The following LRP1B variants were observed in gnomAD, a reference collection of about 807,000 sequenced individuals.
LRP1B encodes LDL receptor related protein 1B.
Under a neutral mutation model 556.6 loss-of-function variants are expected in LRP1B, and 217 were observed. The ratio of observed to expected loss-of-function variants is 0.39; its 90% CI spans 0.35 to 0.44. The LOEUF is 0.44. Among genes scored for constraint, LRP1B ranks in the 20% least tolerant of loss-of-function variants. The pLI, the probability that LRP1B is intolerant of heterozygous loss-of-function variation, is 1.00. For synonymous variants in LRP1B, 2,047 were observed against 1,865.8 expected (o/e 1.10, Z -2.50); for missense variants, 5,053 against 5,620.8 (o/e 0.90, Z 3.23).
chr2:141,503,274 C>A (rs4365409), intron 2 of LRP1B, among the ~76,000 whole-genome samples: 143,466 of 147,330 alleles, frequency 0.97, 69,957 homozygotes, highest in East Asian at 1. Context: ...TATATAATAC[C>A]ATAATATACA....
chr2:140,690,061 G>A (rs1467536964), intron 41 of LRP1B, among the ~76,000 whole-genome samples: 3 of 151,426 alleles, frequency 2.0e-5, no homozygotes, highest in Non-Finnish European at 4.4e-5. Context: ...ATAGACACAG[G>A]AAAAGCTCAT....
intron 25 of LRP1B, among the ~76,000 whole-genome samples, chr2:140,870,305 G>C (rs1040202797): frequency 1.3e-5 from 2 of 152,134 alleles, no homozygotes; most frequent in African/African-American, 4.8e-5. Flanking sequence ...CCCACTCAGA[G>C]GTCAGAGGAA....
At chr2:140,278,344 T>C (rs539520214) in intron 84 of LRP1B, among the ~76,000 whole-genome samples, 71 of 152,152 alleles carry the variant, frequency 4.7e-4, no homozygotes, top group African/African-American at 1.6e-3. Context: ...ATTTTTAAAC[T>C]TTTCTGTGTA....
rs71338142 is a variant in LRP1B at position 141,467,801 on chromosome 2, TTTTGTTTGTTTGTTTG to T, written c.343+12579_343+12594del. On this transcript the variant is annotated intron_variant, in intron 3 of 90. Coordinates refer to ENST00000389484, the MANE Select transcript of LRP1B (RefSeq NM_018557.3). ...TATTCCTGACAAAAAGCACACTGCT[TTTTGTTTGTTTGTTTG>T]TTTGTTTGTTTGTTTGCGGACCGGG... is the stretch of plus-strand genomic sequence containing the variant. Among the ~76,000 whole-genome samples, 245 of 120,134 alleles carry T rather than the reference TTTTGTTTGTTTGTTTG, an allele frequency of 2.0e-3. 6 individuals are homozygous for T. The highest frequency in any genetic ancestry group is 6.9e-3 in the African/African-American group (226 of 32,856). The allele number at this position is 120,134 out of a possible 152,430, so 78.8% of individuals were successfully genotyped here. A position where few individuals can be genotyped will look rare whatever the true frequency, so the allele number is the denominator to read the frequency against.
chr2:141,294,677 A>T (rs115548869), intron 3 of LRP1B, among the ~76,000 whole-genome samples: 2,322 of 151,462 alleles, frequency 0.015, 53 homozygotes, highest in African/African-American at 0.052. Flanking sequence ...GAGTTCAAGG[A>T]TACGGTGCAC....
At position 141,062,256 on chromosome 2, in the gene LRP1B, T is replaced by C; in HGVS notation, c.1031A>G (p.Asp344Gly). The change falls in exon 8 of 91, where the codon GAC becomes GGC. Residue 344 changes from aspartate (D) to glycine (G), a missense_variant. Asp to Gly is a moderately conservative substitution (Grantham distance 94). Around this residue, in one of 5 missense-constraint regions of LRP1B, gnomAD observed 3,619 missense variants for 3,931.9 expected, o/e 0.92. Transcript: ENST00000389484. ...CTCCACTTTGGCGACATTCCCGTAG[T>C]CAGTAAAGAAAAGTTTTCTGTTGAA... ...DPIAGKLFFT[D>G]YGNVAKVERC... 2 of 1,607,898 alleles carry C rather than the reference T, an allele frequency of 1.2e-6. No homozygotes were observed. The highest frequency in any genetic ancestry group is 1.7e-6 in the Non-Finnish European group (2 of 1,177,060).
In LRP1B at chr2:141,199,288, T is replaced by C. The variant is rs147300219; in HGVS notation, c.851-10705A>G. Among the ~76,000 whole-genome samples the C allele has an allele frequency of 1.5e-3, 235 of 152,274 alleles. 1 individual carries two copies. Among genetic ancestry groups the C allele is most frequent in the South Asian group, 2.7e-3 (13 of 4,828 alleles). ...TTATGTTAAAACACCTTAGAGTATTTCTCTTATAACATTTTACCATGAAGG... is the reference window on the plus strand; with the variant it reads ...TTATGTTAAAACACCTTAGAGTATTCCTCTTATAACATTTTACCATGAAGG... On this transcript the variant is annotated intron_variant, in intron 6 of 90. Coordinates refer to ENST00000389484, the MANE Select transcript of LRP1B (RefSeq NM_018557.3).
chr2:140,542,565 A>T (rs760109069), intron 43 of LRP1B, among the ~76,000 whole-genome samples: 16 of 152,138 alleles, frequency 1.1e-4, no homozygotes, highest in Non-Finnish European at 1.5e-4. Context: ...TATAGTAAAC[A>T]ACACTTTTCA....
intron 3 of LRP1B, among the ~76,000 whole-genome samples, chr2:141,413,248 C>T (rs1690923080): frequency 6.6e-6 from 1 of 152,068 alleles, no homozygotes; most frequent in African/African-American, 2.4e-5. Context: ...AGATTAAGGA[C>T]TTTGAGATGG....
chr2:141,639,393 CATATAT>C (rs1357208864), intron 2 of LRP1B, among the ~76,000 whole-genome samples: 1 of 36,440 alleles, frequency 2.7e-5, no homozygotes, highest in South Asian at 6.3e-4. Flanking sequence ...TATATATACA[CATATAT>C]ATATATGTGT....
At chr2:141,051,551 A>G (rs1052476962) in intron 10 of LRP1B, among the ~76,000 whole-genome samples, 1 of 152,044 alleles carries the variant, frequency 6.6e-6, no homozygotes, top group Non-Finnish European at 1.5e-5. Context: ...TAATATATAA[A>G]GAATAAAAAT....
intron 2 of LRP1B, among the ~76,000 whole-genome samples, chr2:141,510,234 A>ACCCC (rs1553524127): frequency 8.9e-5 from 13 of 145,372 alleles, no homozygotes; most frequent in African/African-American, 3.3e-4. Context: ...ACACACACAC[A>ACCCC]CCCCCCACAG....
chr2:140,340,673 AAAT>A (rs913603035), intron 77 of LRP1B, among the ~76,000 whole-genome samples: 6 of 151,554 alleles, frequency 4.0e-5, no homozygotes, highest in Non-Finnish European at 5.9e-5. Context: ...TTAAAAAAAA[AAAT>A]AAGTAGATTC....
rs67035991 is a variant in LRP1B, at chr2:141,614,314, C to A, written c.206-133781G>T. On this transcript the variant is annotated intron_variant, in intron 2 of 90. Coordinates refer to ENST00000389484, the MANE Select transcript of LRP1B (RefSeq NM_018557.3). ...AGTTTTCCTGTAAAATGAGAATAAC[C>A]TCAGTCTAATGTGGAGGGGAAAATA... Among the ~76,000 whole-genome samples, 1,239 of 152,014 alleles carry A rather than the reference C, an allele frequency of 8.2e-3. 7 individuals carry two copies. Among genetic ancestry groups the A allele is most frequent in the Non-Finnish European group, 0.012 (844 of 67,978 alleles).
intron 29 of LRP1B, among the ~76,000 whole-genome samples, chr2:140,849,357 A>C (rs1692379051): frequency 1.3e-5 from 2 of 150,126 alleles, no homozygotes; most frequent in Admixed American, 6.6e-5. Flanking sequence ...GGGTGACAGA[A>C]TGAGACTCTG....
intron 67 of LRP1B, among the ~76,000 whole-genome samples, chr2:140,381,313 T>G (rs571190320): frequency 6.6e-6 from 1 of 152,290 alleles, no homozygotes; most frequent in South Asian, 2.1e-4. Context: ...AACATGACTG[T>G]AGTAAAAGCT....
chr2:141,790,053 A>G (rs969931032), intron 2 of LRP1B, among the ~76,000 whole-genome samples: 1 of 151,900 alleles, frequency 6.6e-6, no homozygotes, highest in African/African-American at 2.4e-5. Context: ...CACATTAACA[A>G]CGTCCTCCTA....
intron 3 of LRP1B, among the ~76,000 whole-genome samples, chr2:141,467,116 ATATATATC>A (rs1196894332): frequency 0.049 from 131 of 2,660 alleles, 5 homozygotes; most frequent in Admixed American, 0.076. Context: ...ATATATATAT[ATATATATC>A]TATATATATA....
At chr2:141,123,251 T>TC (rs369520581) in intron 7 of LRP1B, among the ~76,000 whole-genome samples, 38,069 of 142,228 alleles carry the variant, frequency 0.27, 5,275 homozygotes, top group East Asian at 0.45. Context: ...TAAAAAAAAA[T>TC]AAATAAATAA....
Sources: gnomAD v4.1 joint callset for allele counts (sites outside exome capture counted in the v4.1 genomes callset) on GRCh38, gnomAD v4.1.1 for gene constraint, gnomAD v4.1.1 regional missense constraint, MANE v1.5 for transcripts, NCBI Gene and HGNC (gene_info 2026-07-23, HGNC 2026-07-21) for gene names.